COL14A1: variants seen among roughly 807,000 people sequenced by gnomAD.
COL14A1 encodes the protein collagen type XIV alpha 1 chain, also known as collagen alpha-1(XIV) chain.
COL14A1 carries 136 observed loss-of-function variants against 230.3 expected under a neutral mutation model. The observed-to-expected ratio is 0.59, with a 90% CI of 0.51 to 0.68. The LOEUF (loss-of-function observed/expected upper bound fraction) is 0.68, where lower values mean the gene tolerates loss of function less well. Among genes scored for constraint, COL14A1 ranks in the 30% least tolerant of loss-of-function variants. The probability of loss-of-function intolerance (pLI) is 0.00; values close to 1 mark genes in which losing one functional copy is unlikely to be tolerated. For synonymous variants in COL14A1, 792 were observed against 784.1 expected, an observed-to-expected ratio of 1.01 and a Z score of -0.17; for missense variants, 1,976 against 2,215.8, an observed-to-expected ratio of 0.89 and a Z score of 2.17.
chr8:120,226,631 A>G lies in COL14A1; in HGVS notation c.1869A>G (p.Glu623=). The change falls in exon 16 of 48, where the codon GAA becomes GAG. Residue 623 remains glutamate, a synonymous_variant. Coordinates refer to ENST00000297848, the MANE Select transcript of COL14A1 (RefSeq NM_021110.4). ...EPLTGVFTTE[E]VPAQQYLEID... is the part of the protein sequence containing the mutation. Reference sequence around the variant, plus strand: ...ACCTCCTTCCTCGGTTTACAGAGGAAGTTCCAGCCCAGCAATACTTAGAAA... The same window carrying G: ...ACCTCCTTCCTCGGTTTACAGAGGAGGTTCCAGCCCAGCAATACTTAGAAA... 6.2e-7 allele frequency: 1 copy of G among 1,612,326 alleles called. No homozygotes were observed. The highest frequency in any genetic ancestry group is 8.5e-7 in the Non-Finnish European group (1 of 1,178,926).
At chr8:120,134,543 C>A (rs1814646767) in intron 1 of COL14A1, among the ~76,000 whole-genome samples, 1 of 151,018 alleles carries the variant, frequency 6.6e-6, no homozygotes, top group Admixed American at 6.6e-5. Context: ...GCTATAATTC[C>A]AAAGGAGAAA....
intron 42 of COL14A1, 118 bp downstream of exon 42, chr8:120,332,853 G>A: frequency 1.4e-6 from 1 of 715,878 alleles, no homozygotes. Flanking sequence ...GGACTCTATG[G>A]AAATTCATAA....
At chr8:120,225,239 A>C (rs1441025452) in intron 15 of COL14A1, 25 bp downstream of exon 15, 2 of 1,607,894 alleles carry the variant, frequency 1.2e-6, no homozygotes, top group South Asian at 2.2e-5. Flanking sequence ...TATGGTTTGA[A>C]AAGTTTTGAG....
rs72678225 is a variant in COL14A1 at position 120,289,783 on chromosome 8, G to A, written c.4236+17G>A. ...TCTGCACCGGTAAGTGAATAAACCCGTGAAGCTGTGTTATTGTTAAGGGAG... is the reference window on the plus strand; with the variant it reads ...TCTGCACCGGTAAGTGAATAAACCCATGAAGCTGTGTTATTGTTAAGGGAG... On this transcript the variant is annotated intron_variant, in intron 34 of 47. Coordinates refer to ENST00000297848, the MANE Select transcript of COL14A1 (RefSeq NM_021110.4). 0.022 allele frequency: 36,016 copies of A among 1,603,968 alleles called. 478 individuals carry two copies. Among genetic ancestry groups the A allele is most frequent in the Middle Eastern group, 0.034 (204 of 6,008 alleles).
rs1563668001 is a variant in COL14A1 at position 120,200,718 on chromosome 8, TATATATA to T, written c.877+1153_877+1159del. Among the ~76,000 whole-genome samples, 11 of 5,382 alleles carry T rather than the reference TATATATA, an allele frequency of 2.0e-3. No homozygotes were observed. In the East Asian group the frequency reaches 0.088, roughly 43 times the overall value. 3.5% of individuals were successfully genotyped at this position (5,382 alleles called of 152,430 possible). A position where few individuals can be genotyped will look rare whatever the true frequency, so the allele number is the denominator to read the frequency against. ...AGATCCTAAAAAGTTTTCCTATTTA[TATATATA>T]TATATATATATATATATATATATAT... On this transcript the variant is annotated intron_variant, in intron 8 of 47. Transcript: ENST00000297848.
chr8:120,320,124 T>G (rs1821387009), intron 40 of COL14A1, among the ~76,000 whole-genome samples: 1 of 152,134 alleles, frequency 6.6e-6, no homozygotes, highest in Admixed American at 6.6e-5. Flanking sequence ...ATGGATTACT[T>G]CATGTTTCCA....
intron 21 of COL14A1, among the ~76,000 whole-genome samples, chr8:120,248,783 A>G (rs554514032): frequency 6.0e-4 from 91 of 152,134 alleles, no homozygotes; most frequent in African/African-American, 2.0e-3. Flanking sequence ...TGAGCCAGAT[A>G]AGTCAAGGCT....
At chr8:120,323,428 CTATT>C (rs879566174) in intron 40 of COL14A1, among the ~76,000 whole-genome samples, 2 of 152,044 alleles carry the variant, frequency 1.3e-5, no homozygotes, top group African/African-American at 2.4e-5. Flanking sequence ...TAATTAGAGC[CTATT>C]TGTCAATTTT....
rs560974219 is a variant in COL14A1, at chr8:120,261,426, T to C, written c.2870-1442T>C. Among the ~76,000 whole-genome samples the C allele has an allele frequency of 2.6e-5, 4 of 152,346 alleles. No individual in the cohort carries two copies. The South Asian group carries it at 8.3e-4, about 32-fold the overall frequency. On this transcript the variant is annotated intron_variant, in intron 23 of 47. Coordinates refer to ENST00000297848, the MANE Select transcript of COL14A1 (RefSeq NM_021110.4). ...ATAAGCACTCATTAAATGTTGGCTA[T>C]TATTATCTTTATTGCTGTTGTTATA...
chr8:120,236,999 A>G (rs1196032162), intron 19 of COL14A1, among the ~76,000 whole-genome samples: 1 of 152,188 alleles, frequency 6.6e-6, no homozygotes, highest in Non-Finnish European at 1.5e-5. Flanking sequence ...TGTTAGACCG[A>G]TGGGCTTCCC....
intron 37 of COL14A1, among the ~76,000 whole-genome samples, chr8:120,313,360 A>G (rs1192773881): frequency 6.6e-6 from 1 of 152,200 alleles, no homozygotes; most frequent in Non-Finnish European, 1.5e-5. Context: ...ACTCTGTCTC[A>G]AAAACAAAAA....
intron 1 of COL14A1, among the ~76,000 whole-genome samples, chr8:120,142,937 C>T (rs2130440389): frequency 6.6e-6 from 1 of 152,106 alleles, no homozygotes; most frequent in East Asian, 1.9e-4. Context: ...AAATAAAACC[C>T]AAGTATCAGA....
chr8:120,256,147 A>G (rs1333229169), intron 23 of COL14A1, among the ~76,000 whole-genome samples: 1 of 152,230 alleles, frequency 6.6e-6, no homozygotes, highest in Non-Finnish European at 1.5e-5. Flanking sequence ...GGAGATGCTA[A>G]AGAATCCCAA....
At chr8:120,369,920 C>A (rs1387606099) in intron 47 of COL14A1, among the ~76,000 whole-genome samples, 2 of 152,160 alleles carry the variant, frequency 1.3e-5, no homozygotes, top group Non-Finnish European at 2.9e-5. Context: ...ATTAAGAGGG[C>A]TCCTTAGATT....
chr8:120,284,998 C>G (rs1421845139), intron 32 of COL14A1, among the ~76,000 whole-genome samples: 1 of 151,806 alleles, frequency 6.6e-6, no homozygotes, highest in Non-Finnish European at 1.5e-5. Context: ...AGAATCTTTT[C>G]TCTTTCTAAT....
At chr8:120,368,932 G>A (rs150984072) in intron 46 of COL14A1, among the ~76,000 whole-genome samples, 74 of 152,252 alleles carry the variant, frequency 4.9e-4, no homozygotes, top group Non-Finnish European at 8.1e-4. Context: ...ATGAGGTTGA[G>A]CTCTGAGTGT....
At chr8:120,330,478 G>A (rs149746464) in intron 40 of COL14A1, among the ~76,000 whole-genome samples, 16 of 152,290 alleles carry the variant, frequency 1.1e-4, no homozygotes, top group African/African-American at 1.7e-4. Flanking sequence ...CTTAAATGAC[G>A]GCAGGCAAGA....
chr8:120,212,388 C>T (rs1170386506), intron 12 of COL14A1, 60 bp from the exon 13 acceptor site: 17 of 1,581,406 alleles, frequency 1.1e-5, no homozygotes, highest in Non-Finnish European at 1.3e-5. Flanking sequence ...TTCTGTTCCA[C>T]TCTGATCAGC....
intron 42 of COL14A1, among the ~76,000 whole-genome samples, chr8:120,339,240 G>A (rs541185058): frequency 4.6e-5 from 7 of 152,124 alleles, no homozygotes; most frequent in Non-Finnish European, 8.8e-5. Context: ...CAAGGCCTTT[G>A]CGATCCTCCC....
Sources: allele counts gnomAD v4.1 joint callset (sites outside exome capture counted in the v4.1 genomes callset), GRCh38; gene constraint gnomAD v4.1.1; transcripts MANE v1.5; gene names NCBI Gene and HGNC (gene_info 2026-07-23, HGNC 2026-07-21).